Variants in GPR107 observed in about 807,000 individuals in gnomAD.
GPR107 encodes protein GPR107.
A neutral mutation model predicts 75.5 loss-of-function variants in GPR107; 31 were observed. The ratio of observed to expected loss-of-function variants is 0.41; its 90% CI spans 0.31 to 0.55. The LOEUF is 0.55. Ranked by LOEUF, GPR107 falls within the 20% of genes least tolerant of loss-of-function variation. The pLI is 0.26. For missense variants in GPR107, 572 were observed against 665.7 expected (o/e 0.86, Z 1.55); for synonymous variants, 267 against 251.3 (o/e 1.06, Z -0.59).
At chr9:130,096,474 T>TTTC (rs1288476172) in intron 9 of GPR107, among the ~76,000 whole-genome samples, 1 of 148,526 alleles carries the variant, frequency 6.7e-6, no homozygotes, top group African/African-American at 2.5e-5. Flanking sequence ...TGGACTTTTT[T>TTTC]TTTTTTTTTT....
chr9:130,091,976 G>A (rs1290960617), intron 8 of GPR107, among the ~76,000 whole-genome samples: 1 of 152,036 alleles, frequency 6.6e-6, no homozygotes, highest in Non-Finnish European at 1.5e-5. Context: ...TTACAGGCGT[G>A]AGCCACTGTG....
chr9:130,101,105 G>C lies in GPR107; in HGVS notation c.1014-1G>C, dbSNP rs1589512892. ...TGTCTGTTCCTTGTTTTCTCTTCCAGTTTGAAAGGGGCGCTACTCTTCATC... is the reference window on the plus strand; with the variant it reads ...TGTCTGTTCCTTGTTTTCTCTTCCACTTTGAAAGGGGCGCTACTCTTCATC... On this transcript the variant is annotated splice_acceptor_variant, in intron 11 of 17. Coordinates refer to ENST00000347136, the MANE Select transcript of GPR107 (RefSeq NM_020960.5). LOFTEE classifies it high-confidence loss of function. The C allele has an allele frequency of 6.4e-7, 1 of 1,574,516 alleles. No homozygotes were observed. Among genetic ancestry groups the C allele is most frequent in the Non-Finnish European group, 8.7e-7 (1 of 1,143,818 alleles).
chr9:130,105,455 C>G (rs1831135902), intron 13 of GPR107, among the ~76,000 whole-genome samples: 1 of 152,038 alleles, frequency 6.6e-6, no homozygotes, highest in Non-Finnish European at 1.5e-5. Context: ...CAGGGTTTCG[C>G]CATTTTGGCC....
Position 130,079,766 on chromosome 9 carries a change from C to A in GPR107, c.523C>A (p.Gln175Lys). 1.2e-6 allele frequency: 2 copies of A among 1,605,060 alleles called. No individual in the cohort carries two copies. The highest frequency in any genetic ancestry group is 8.5e-7 in the Non-Finnish European group (1 of 1,175,558). ...ASAGNQTQKTQDGGKSKRSTV... is the reference protein window; with the variant it reads ...ASAGNQTQKTKDGGKSKRSTV... Reference sequence around the variant, plus strand: ...AGCAGGCAACCAGACCCAGAAGACACAAGGTAAACCGTAAGGTGGAAACTG... The same window carrying A: ...AGCAGGCAACCAGACCCAGAAGACAAAAGGTAAACCGTAAGGTGGAAACTG... Residue 175 changes from glutamine to lysine, a missense_variant, in exon 5 of 18, where the codon CAA becomes AAA. Transcript: ENST00000347136.
intron 1 of GPR107, among the ~76,000 whole-genome samples, chr9:130,066,422 T>C (rs1175788901): frequency 6.6e-6 from 1 of 152,184 alleles, no homozygotes; most frequent in Non-Finnish European, 1.5e-5. Context: ...ACGATGATGA[T>C]GATTGTGCCT....
chr9:130,059,750 T>C (rs1829881352), intron 1 of GPR107, among the ~76,000 whole-genome samples: 1 of 142,534 alleles, frequency 7.0e-6, no homozygotes, highest in South Asian at 2.2e-4. Context: ...TTTTTTTTTT[T>C]TTTTTTGAGA....
At chr9:130,064,869 C>T (rs1337049714) in intron 1 of GPR107, among the ~76,000 whole-genome samples, 1 of 152,020 alleles carries the variant, frequency 6.6e-6, no homozygotes, top group Non-Finnish European at 1.5e-5. Flanking sequence ...GTTAAGAATC[C>T]TGGTAATCAC....
chr9:130,063,277 A>G (rs1985662), intron 1 of GPR107, among the ~76,000 whole-genome samples: 142,190 of 152,130 alleles, frequency 0.93, 66,863 homozygotes, highest in East Asian at 1. Flanking sequence ...TGCAAGCTCC[A>G]CTTCCCGGGT....
At chr9:130,084,405 TAA>T (rs11331231) in intron 6 of GPR107, among the ~76,000 whole-genome samples, 14,707 of 136,588 alleles carry the variant, frequency 0.11, 777 homozygotes, top group Non-Finnish European at 0.13. Flanking sequence ...CAAAAAAAGT[TAA>T]AAAAAAAAAA....
At chr9:130,089,182 G>A (rs147394336) in intron 7 of GPR107, among the ~76,000 whole-genome samples, 1 of 151,858 alleles carries the variant, frequency 6.6e-6, no homozygotes, top group East Asian at 1.9e-4. Context: ...AAAAAAAAAA[G>A]TTTTTCAAAT....
Position 130,077,320 on chromosome 9 carries a change from A to G in GPR107, c.328A>G (p.Ile110Val), listed in dbSNP as rs751111576. 2 of 1,557,908 alleles carry G rather than the reference A, an allele frequency of 1.3e-6. No individual in the cohort carries two copies. The highest frequency in any genetic ancestry group is 1.1e-5 in the South Asian group (1 of 89,984). Reference sequence around the variant, plus strand: ...TCAGGATGAAGATGTGAATTACTGTATTTTAAAGAAACAGTCTGTCTCTGT... The same window carrying G: ...TCAGGATGAAGATGTGAATTACTGTGTTTTAAAGAAACAGTCTGTCTCTGT... The part of the protein sequence containing the change: ...SYLDEDVNYC[I>V]LKKQSVSVTL... The change falls in exon 4 of 18, where the codon ATT becomes GTT. Residue 110 changes from isoleucine to valine, a missense_variant. Physicochemically the swap from Ile to Val is conservative, Grantham distance 29 (BLOSUM62 3). Transcript: ENST00000347136.
intron 14 of GPR107, among the ~76,000 whole-genome samples, chr9:130,108,609 A>G (rs1300736729): frequency 6.6e-6 from 1 of 152,198 alleles, no homozygotes; most frequent in East Asian, 1.9e-4. Flanking sequence ...GCTCCTAGGC[A>G]GCCTGTGTGC....
At chr9:130,107,901 G>C (rs1831198279) in intron 14 of GPR107, among the ~76,000 whole-genome samples, 1 of 152,224 alleles carries the variant, frequency 6.6e-6, no homozygotes, top group South Asian at 2.1e-4. Flanking sequence ...GATTGGAGAT[G>C]GCTATGTGTA....
chr9:130,085,344 G>A (rs1049243267), intron 6 of GPR107, among the ~76,000 whole-genome samples: 1 of 152,128 alleles, frequency 6.6e-6, no homozygotes, highest in African/African-American at 2.4e-5. Context: ...CGTAGAAATA[G>A]CAGAAGTGGA....
chr9:130,081,713 G>A (rs997545495), intron 5 of GPR107, among the ~76,000 whole-genome samples: 5 of 150,540 alleles, frequency 3.3e-5, no homozygotes, highest in South Asian at 2.1e-4. Flanking sequence ...AAAATTAGCC[G>A]GATGTGGTGG....
chr9:130,099,388 G>A (rs1228805043), intron 9 of GPR107, 69 bp from the exon 10 acceptor site: 2 of 856,672 alleles, frequency 2.3e-6, no homozygotes, highest in East Asian at 4.8e-5. Context: ...TATAGCTAAT[G>A]TCTGGAGCTT....
intron 11 of GPR107, 46 bp from the exon 12 acceptor site, chr9:130,101,060 A>G (rs982285782): frequency 9.6e-7 from 1 of 1,039,876 alleles, no homozygotes. Context: ...TGGCAGTGAG[A>G]GTCTAAAGAG....
chr9:130,098,383 T>G (rs1830932503), intron 9 of GPR107, among the ~76,000 whole-genome samples: 1 of 152,158 alleles, frequency 6.6e-6, no homozygotes, highest in Admixed American at 6.6e-5. Context: ...ACCCTGGCAC[T>G]TTCTCCTCAC....
chr9:130,114,612 C>T (rs924958623), intron 14 of GPR107: 2 of 574,888 alleles, frequency 3.5e-6, no homozygotes, highest in Non-Finnish European at 5.6e-6. Flanking sequence ...TCTTGAACTC[C>T]TGGCCTCTAG....
Sources: allele counts gnomAD v4.1 joint callset (sites outside exome capture counted in the v4.1 genomes callset), GRCh38; gene constraint gnomAD v4.1.1; transcripts MANE v1.5; gene names NCBI Gene and HGNC (gene_info 2026-07-23, HGNC 2026-07-21).